The following SDK2 variants were observed in gnomAD, a reference collection of about 807,000 sequenced individuals.
The protein encoded by SDK2 is protein sidekick-2.
A neutral mutation model predicts 253.9 loss-of-function variants in SDK2; 105 were observed. That is an observed-to-expected ratio of 0.41 (90% confidence interval 0.35 to 0.49). SDK2 has a LOEUF of 0.49. Among genes scored for constraint, SDK2 ranks in the 20% least tolerant of loss-of-function variants. The pLI is 0.06. For synonymous variants in SDK2, 1,249 were observed against 1,234.9 expected, an observed-to-expected ratio of 1.01 and a Z score of -0.24; for missense variants, 2,608 against 3,003.0, an observed-to-expected ratio of 0.87 and a Z score of 3.07.
In SDK2 at chr17:73,507,424, G is replaced by T. The variant is rs750685490; in HGVS notation, c.224+14C>A. 6.5e-7 allele frequency: 1 copy of T among 1,547,396 alleles called. No homozygotes were observed. Among genetic ancestry groups the T allele is most frequent in the Non-Finnish European group, 8.7e-7 (1 of 1,144,102 alleles). On this transcript the variant is annotated intron_variant, in intron 2 of 44. Transcript: ENST00000392650. The stretch of plus-strand genomic sequence containing the variant: ...CCTGGCAGCCAGGAGGAAGGGCGGG[G>T]AGGGGCAGTTTACCTGTATTCCAGG...
chr17:73,379,339 AG>A lies in SDK2; in HGVS notation c.4865-48del. 1.7e-6 allele frequency: 1 copy of A among 588,402 alleles called. No homozygotes were observed. The highest frequency in any genetic ancestry group is 2.9e-6 in the Non-Finnish European group (1 of 339,096). 36.4% of individuals were successfully genotyped at this position (588,402 alleles called of 1,614,324 possible). ...CAGTGAGCATGCGAGTAAACCTGGG[AG>A]GGGAGGTGGGCTGGGCGGGATGGGG... On this transcript the variant is annotated intron_variant, in intron 35 of 44. Coordinates refer to ENST00000392650, the MANE Select transcript of SDK2 (RefSeq NM_001144952.2). This position sits in a 1 kb window ranked among gnomAD's most constrained non-coding sequence, Gnocchi z 4.5.
At chr17:73,407,324 G>T (rs569241399) in intron 18 of SDK2, among the ~76,000 whole-genome samples, 1 of 152,166 alleles carries the variant, frequency 6.6e-6, no homozygotes, top group African/African-American at 2.4e-5. Context: ...CTGGGGCCAC[G>T]TCAAGAGGGC....
At chr17:73,550,592 C>G (rs575321782) in intron 1 of SDK2, among the ~76,000 whole-genome samples, 2 of 152,096 alleles carry the variant, frequency 1.3e-5, no homozygotes, top group Admixed American at 1.3e-4. Flanking sequence ...CCCATTCCCC[C>G]ACCCCTACCC....
At position 73,398,327 on chromosome 17, in the gene SDK2, A is replaced by T; in HGVS notation, c.3196T>A (p.Cys1066Ser). The T allele has an allele frequency of 6.2e-7, 1 of 1,613,826 alleles. No individual in the cohort carries two copies. Among genetic ancestry groups the T allele is most frequent in the South Asian group, 1.1e-5 (1 of 91,082 alleles). ...CCGGGCCAGTCTCATTACCTGTAGC[A>T]GGTGAAGGGGTTGAGGTCGGGCACC... The part of the protein sequence containing the change: ...MEVPDLNPFT[C>S]YSFRMRQVNI... Residue 1066 changes from cysteine (C) to serine (S), a missense_variant, in exon 23 of 45, where the codon TGC (cysteine) becomes AGC (serine). Physicochemically the swap from Cys to Ser is moderately radical, Grantham distance 112. Coordinates refer to ENST00000392650, the MANE Select transcript of SDK2 (RefSeq NM_001144952.2).
intron 1 of SDK2, among the ~76,000 whole-genome samples, chr17:73,578,694 G>A (rs1372262911): frequency 6.6e-6 from 1 of 152,174 alleles, no homozygotes; most frequent in Non-Finnish European, 1.5e-5. Flanking sequence ...AAGGGTCAGG[G>A]GCAGGGATTG....
chr17:73,637,293 GCACTTCCTAGCTCCCT>G, intron 1 of SDK2, among the ~76,000 whole-genome samples: 1 of 152,276 alleles, frequency 6.6e-6, no homozygotes, highest in Non-Finnish European at 1.5e-5. Flanking sequence ...ACGAAAGCCT[GCACTTCCTAGCTCCCT>G]TGCCATTAGG....
chr17:73,334,824 T>A lies in SDK2; in HGVS notation c.*3763A>T, dbSNP rs1480626080. The A allele has an allele frequency of 6.6e-6, 1 of 152,426 alleles. No individual in the cohort carries two copies. The highest frequency in any genetic ancestry group is 1.5e-5 in the Non-Finnish European group (1 of 68,268). The allele number at this position is 152,426 out of a possible 1,614,324, so 9.4% of individuals were successfully genotyped here. Reference sequence around the variant, plus strand: ...GCACTGGGGAGCGGGTGGCGGCTGCTCAGATGGTCTCCCCTTTACCTTCCT... The same window carrying A: ...GCACTGGGGAGCGGGTGGCGGCTGCACAGATGGTCTCCCCTTTACCTTCCT... On this transcript the variant is annotated 3_prime_UTR_variant, in exon 45 of 45. Coordinates refer to ENST00000392650, the MANE Select transcript of SDK2 (RefSeq NM_001144952.2).
intron 33 of SDK2, among the ~76,000 whole-genome samples, chr17:73,382,020 G>T (rs1239444116): frequency 6.6e-6 from 1 of 152,196 alleles, no homozygotes; most frequent in African/African-American, 2.4e-5. Flanking sequence ...TTCGAGACCA[G>T]CCTGGCTAAC....
At chr17:73,548,710 C>G (rs1273171241) in intron 1 of SDK2, among the ~76,000 whole-genome samples, 1 of 152,240 alleles carries the variant, frequency 6.6e-6, no homozygotes, top group East Asian at 1.9e-4. Context: ...ACCTTGGGCA[C>G]TGCCCAGTCC....
chr17:73,405,209 A>G (rs1288558546), intron 18 of SDK2, among the ~76,000 whole-genome samples: 1 of 129,324 alleles, frequency 7.7e-6, no homozygotes, highest in Non-Finnish European at 1.6e-5. Flanking sequence ...TGGGGAGGCC[A>G]ATGTGGGTGA....
In SDK2 at chr17:73,405,517, T is replaced by TATATAAATAA. The variant is rs750250733; in HGVS notation, c.2485-3377_2485-3376insTTATTTATAT. ...ATATATATATATATATATATATATA[T>TATATAAATAA]AAAGATCGAGAATGTGGAAAGTACA... On this transcript the variant is annotated intron_variant, in intron 18 of 44. Coordinates refer to ENST00000392650, the MANE Select transcript of SDK2 (RefSeq NM_001144952.2). 2.6e-3 allele frequency among the ~76,000 whole-genome samples: 170 copies of TATATAAATAA among 66,140 alleles called. 42 individuals are homozygous for TATATAAATAA. The highest frequency in any genetic ancestry group is 3.8e-3 in the Non-Finnish European group (141 of 37,284). The allele number at this position is 66,140 out of a possible 152,430, so 43.4% of individuals were successfully genotyped here. A position where few individuals can be genotyped will look rare whatever the true frequency, so the allele number is the denominator to read the frequency against.
chr17:73,350,638 C>A lies in SDK2; in HGVS notation c.5899+12G>T, dbSNP rs377641221. 1 of 1,607,386 alleles carries A rather than the reference C, an allele frequency of 6.2e-7. No homozygotes were observed. The highest frequency in any genetic ancestry group is 1.3e-5 in the African/African-American group (1 of 74,512). ...CAAGTCCAGCCAGCATGGCTGGTGC[C>A]AGCTCACTCACCCGAGTCTGTCTTC... On this transcript the variant is annotated intron_variant, in intron 42 of 44. Coordinates refer to ENST00000392650, the MANE Select transcript of SDK2 (RefSeq NM_001144952.2).
intron 5 of SDK2, among the ~76,000 whole-genome samples, chr17:73,445,252 T>A (rs2063445165): frequency 6.6e-6 from 1 of 152,230 alleles, no homozygotes; most frequent in Non-Finnish European, 1.5e-5. Flanking sequence ...AAAAGATAAC[T>A]TCTTGTTATG....
At chr17:73,551,469 G>T (rs1227037685) in intron 1 of SDK2, among the ~76,000 whole-genome samples, 1 of 152,232 alleles carries the variant, frequency 6.6e-6, no homozygotes, top group Admixed American at 6.5e-5. Context: ...AGGGGGCGGA[G>T]CGGCCGAGGC....
Position 73,511,661 on chromosome 17 carries a change from C to T in SDK2, c.65-4064G>A, listed in dbSNP as rs57941539. On this transcript the variant is annotated intron_variant, in intron 1 of 44. Coordinates refer to ENST00000392650, the MANE Select transcript of SDK2 (RefSeq NM_001144952.2). This position sits in a 1 kb window ranked among gnomAD's most constrained non-coding sequence, Gnocchi z 4.9. ...CAAGGTTCCTCTCCCCAAGCTCCTG[C>T]GGTGAAGTCACCCCCTCCCGAAAGT... Among the ~76,000 whole-genome samples, 585 of 152,276 alleles carry T rather than the reference C, an allele frequency of 3.8e-3. 5 individuals are homozygous for T. Among genetic ancestry groups the T allele is most frequent in the African/African-American group, 0.013 (548 of 41,576 alleles).
chr17:73,392,418 G>A (rs140439844), intron 27 of SDK2, among the ~76,000 whole-genome samples: 2,483 of 152,134 alleles, frequency 0.016, 76 homozygotes, highest in East Asian at 0.12. Context: ...ACAGGCGTGT[G>A]CCACCACACC....
At chr17:73,399,981 G>A (rs184716808) in intron 21 of SDK2, among the ~76,000 whole-genome samples, 88 of 152,296 alleles carry the variant, frequency 5.8e-4, no homozygotes, top group Middle Eastern at 3.4e-3. Flanking sequence ...ATGAGTCAAC[G>A]TGAGCAAAGC....
At chr17:73,411,426 C>T (rs891543823) in intron 18 of SDK2, among the ~76,000 whole-genome samples, 11 of 152,098 alleles carry the variant, frequency 7.2e-5, no homozygotes, top group Admixed American at 5.9e-4. Context: ...GTGGTCACCT[C>T]GAGGTCATGC....
At chr17:73,360,744 A>T (rs1001483194) in intron 39 of SDK2, among the ~76,000 whole-genome samples, 4 of 152,122 alleles carry the variant, frequency 2.6e-5, no homozygotes, top group Middle Eastern at 3.4e-3. Context: ...CAGGAGTTGG[A>T]GACCAGCCTG....
Sources: allele counts gnomAD v4.1 joint callset (sites outside exome capture counted in the v4.1 genomes callset), GRCh38; gene constraint gnomAD v4.1.1; non-coding constraint Gnocchi (gnomAD v3.1); transcripts MANE v1.5; gene names NCBI Gene and HGNC (gene_info 2026-07-23, HGNC 2026-07-21).